Variants in FOXP1 observed in about 807,000 individuals in gnomAD.
FOXP1 encodes the protein forkhead box P1.
FOXP1 carries 15 observed loss-of-function variants against 98.2 expected under a neutral mutation model. The ratio of observed to expected loss-of-function variants is 0.15; its 90% CI spans 0.10 to 0.24. FOXP1 has a LOEUF of 0.24. Ranked by LOEUF, FOXP1 falls within the 10% of genes least tolerant of loss-of-function variation. FOXP1 has a pLI of 1.00. For synonymous variants in FOXP1, 371 were observed against 314.5 expected (o/e 1.18, Z -1.90); for missense variants, 633 against 848.5 (o/e 0.75, Z 3.15).
intron 5 of FOXP1, among the ~76,000 whole-genome samples, chr3:71,281,186 T>C (rs983894553): frequency 4.0e-5 from 6 of 151,470 alleles, no homozygotes; most frequent in African/African-American, 7.3e-5. Context: ...GCTATGATCA[T>C]GTCACTGTAC....
intron 3 of FOXP1, among the ~76,000 whole-genome samples, chr3:71,478,999 C>G (rs1276128195): frequency 2.0e-5 from 3 of 152,164 alleles, no homozygotes; most frequent in Non-Finnish European, 4.4e-5. Flanking sequence ...TGTGTGTGGG[C>G]TCTGGCACAT....
intron 3 of FOXP1, among the ~76,000 whole-genome samples, chr3:71,492,494 C>A (rs1484727035): frequency 6.6e-6 from 1 of 151,912 alleles, no homozygotes; most frequent in Non-Finnish European, 1.5e-5. Flanking sequence ...GCCTAATTTG[C>A]CCCATGCCAG....
chr3:71,183,941 T>C (rs1576266992), intron 6 of FOXP1, among the ~76,000 whole-genome samples: 1 of 152,048 alleles, frequency 6.6e-6, no homozygotes, highest in South Asian at 2.1e-4. Flanking sequence ...TCACCTGAGG[T>C]TGGGACTTCG....
intron 2 of FOXP1, among the ~76,000 whole-genome samples, chr3:71,555,821 AT>A (rs1395897465): frequency 5.3e-5 from 8 of 152,196 alleles, no homozygotes; most frequent in Non-Finnish European, 1.5e-5. Flanking sequence ...TAGAACTGCG[AT>A]TTTTTAATAA....
chr3:71,491,156 C>G (rs1015715933), intron 3 of FOXP1, among the ~76,000 whole-genome samples: 1 of 152,136 alleles, frequency 6.6e-6, no homozygotes, highest in Non-Finnish European at 1.5e-5. Flanking sequence ...GCTGGGAGTA[C>G]AGGCACCCAC....
At chr3:71,277,382 C>T (rs757723792) in intron 5 of FOXP1, among the ~76,000 whole-genome samples, 2 of 151,524 alleles carry the variant, frequency 1.3e-5, no homozygotes, top group African/African-American at 2.4e-5. Context: ...CCACAAATGA[C>T]AAGATTTCAT....
intron 4 of FOXP1, among the ~76,000 whole-genome samples, chr3:71,301,630 C>A (rs2073852941): frequency 6.6e-6 from 1 of 152,174 alleles, no homozygotes; most frequent in Non-Finnish European, 1.5e-5. Context: ...GTTTGGCAGT[C>A]AGACCTATAG....
chr3:71,060,306 T>G (rs1378769857), intron 7 of FOXP1, among the ~76,000 whole-genome samples: 1 of 152,126 alleles, frequency 6.6e-6, no homozygotes, highest in Non-Finnish European at 1.5e-5. Flanking sequence ...TTCCAACACC[T>G]TCACCTTATA....
chr3:71,275,349 T>C (rs1288359370), intron 5 of FOXP1, among the ~76,000 whole-genome samples: 3 of 152,160 alleles, frequency 2.0e-5, no homozygotes, highest in East Asian at 1.9e-4. Context: ...CCACAGATAA[T>C]GTTACAAGTT....
chr3:71,431,518 C>A (rs1367352495), intron 3 of FOXP1, among the ~76,000 whole-genome samples: 5 of 152,160 alleles, frequency 3.3e-5, no homozygotes, highest in African/African-American at 1.2e-4. Context: ...GATAGAAAAC[C>A]TGAGGGTCCA....
At chr3:71,233,698 C>CGGT (rs1468341818) in intron 5 of FOXP1, among the ~76,000 whole-genome samples, 2 of 148,116 alleles carry the variant, frequency 1.4e-5, no homozygotes, top group Admixed American at 6.9e-5. Flanking sequence ...ACCCCCCCAG[C>CGGT]TGGTGCTATA....
chr3:71,098,323 G>A (rs1353798004), intron 7 of FOXP1, among the ~76,000 whole-genome samples: 2 of 151,888 alleles, frequency 1.3e-5, no homozygotes, highest in Non-Finnish European at 2.9e-5. Context: ...CTATACTTAC[G>A]AATTAAAGTT....
intron 8 of FOXP1, 88 bp downstream of exon 8, chr3:71,053,548 G>C: frequency 6.6e-7 from 1 of 1,526,628 alleles, no homozygotes; most frequent in South Asian, 1.1e-5. Flanking sequence ...CAAAGGAGCT[G>C]CTCTGGTGGA....
At chr3:71,205,061 C>G (rs1351592608) in intron 5 of FOXP1, among the ~76,000 whole-genome samples, 2 of 152,116 alleles carry the variant, frequency 1.3e-5, no homozygotes, top group African/African-American at 4.8e-5. Context: ...AAAAAGTAAT[C>G]AAGGGAATGA....
At chr3:70,995,152 C>T (rs2041190219) in intron 13 of FOXP1, among the ~76,000 whole-genome samples, 1 of 152,052 alleles carries the variant, frequency 6.6e-6, no homozygotes. Context: ...TGGAAGAGTT[C>T]ATATGAATGT....
chr3:71,119,277 G>A (rs1194078152), intron 6 of FOXP1, among the ~76,000 whole-genome samples: 1 of 152,190 alleles, frequency 6.6e-6, no homozygotes, highest in African/African-American at 2.4e-5. Context: ...AGCACCCACA[G>A]AATGAAGACA....
intron 19 of FOXP1, 71 bp downstream of exon 19, chr3:70,970,665 C>CTAAT (rs2036025182): frequency 1.7e-6 from 2 of 1,180,404 alleles, no homozygotes; most frequent in Admixed American, 1.7e-5. Flanking sequence ...TAGAGCAAGG[C>CTAAT]TAATATATTT....
At chr3:71,575,131 C>G (rs1559549027) in intron 2 of FOXP1, among the ~76,000 whole-genome samples, 2 of 152,178 alleles carry the variant, frequency 1.3e-5, no homozygotes, top group Non-Finnish European at 2.9e-5. Context: ...GCAACTGTGT[C>G]TGTGTTGGGA....
intron 6 of FOXP1, among the ~76,000 whole-genome samples, chr3:71,169,714 T>C (rs2061555882): frequency 6.6e-6 from 1 of 151,544 alleles, no homozygotes; most frequent in Non-Finnish European, 1.5e-5. Flanking sequence ...TGAGCCCATG[T>C]CTACCATATT....
Sources: allele counts gnomAD v4.1 joint callset (sites outside exome capture counted in the v4.1 genomes callset), GRCh38; gene constraint gnomAD v4.1.1; transcripts MANE v1.5; gene names NCBI Gene and HGNC (gene_info 2026-07-23, HGNC 2026-07-21).